The following OLFML2B variants were observed in gnomAD, a reference collection of about 807,000 sequenced individuals.
OLFML2B encodes olfactomedin-like protein 2B.
Under a neutral mutation model 74.9 loss-of-function variants are expected in OLFML2B, and 57 were observed. The ratio of observed to expected loss-of-function variants is 0.76; its 90% confidence interval spans 0.61 to 0.95. OLFML2B has a LOEUF of 0.95. Ranked by LOEUF, OLFML2B falls within the 40% of genes least tolerant of loss-of-function variation. The probability of loss-of-function intolerance (pLI) is 0.00; values close to 1 mark genes in which losing one functional copy is unlikely to be tolerated. For missense variants in OLFML2B, 986 were observed against 970.6 expected (o/e 1.02, Z -0.21); for synonymous variants, 388 against 405.8 (o/e 0.96, Z 0.53).
At position 161,986,834 on chromosome 1, in the gene OLFML2B, C is replaced by T. The variant is rs78078224; in HGVS notation, c.1475-1854G>A. Among the ~76,000 whole-genome samples the T allele has an allele frequency of 6.4e-3, 978 of 152,360 alleles. 16 individuals carry two copies. The highest frequency in any genetic ancestry group is 0.022 in the African/African-American group (894 of 41,576). ...TCAGAAAGGGCACCAATTCCCTGTCCAGCGGCATCCCTGGCTCATGCCCTC... is the reference window on the plus strand; with the variant it reads ...TCAGAAAGGGCACCAATTCCCTGTCTAGCGGCATCCCTGGCTCATGCCCTC... On this transcript the variant is annotated intron_variant, in intron 6 of 7. Transcript: ENST00000294794.
intron 3 of OLFML2B, among the ~76,000 whole-genome samples, chr1:162,009,372 T>A (rs150088240): frequency 9.3e-4 from 141 of 152,274 alleles, no homozygotes; most frequent in African/African-American, 3.3e-3. Flanking sequence ...AGTATCCTTA[T>A]TATTTGACGG....
chr1:161,985,033 C>T, intron 6 of OLFML2B, 53 bp from the exon 7 acceptor site: 4 of 1,523,592 alleles, frequency 2.6e-6, no homozygotes, highest in South Asian at 1.2e-5. Context: ...GATGCCTCAC[C>T]CCTTAAACCT....
intron 6 of OLFML2B, among the ~76,000 whole-genome samples, chr1:161,990,460 G>T (rs1166272081): frequency 6.6e-6 from 1 of 152,124 alleles, no homozygotes; most frequent in Non-Finnish European, 1.5e-5. Context: ...GAGTATAAAA[G>T]TTATGTTTAC....
chr1:162,017,922 T>A (rs1197652592), intron 2 of OLFML2B, among the ~76,000 whole-genome samples: 1 of 152,152 alleles, frequency 6.6e-6, no homozygotes, highest in African/African-American at 2.4e-5. Flanking sequence ...GAAAATGCAG[T>A]ATGTATATAC....
chr1:162,012,891 T>C (rs912993178), intron 3 of OLFML2B, among the ~76,000 whole-genome samples: 3 of 152,226 alleles, frequency 2.0e-5, no homozygotes, highest in Admixed American at 1.3e-4. Flanking sequence ...ATTATTATAA[T>C]GATCTGTCCC....
Position 161,983,578 on chromosome 1 carries a change from T to C in OLFML2B, c.*97A>G. 1 of 1,330,678 alleles carries C rather than the reference T, an allele frequency of 7.5e-7. No individual in the cohort carries two copies. The highest frequency in any genetic ancestry group is 1.0e-6 in the Non-Finnish European group (1 of 972,572). The allele number at this position is 1,330,678 out of a possible 1,614,324, so 82.4% of individuals were successfully genotyped here. A position where few individuals can be genotyped will look rare whatever the true frequency, so the allele number is the denominator to read the frequency against. On this transcript the variant is annotated 3_prime_UTR_variant, in exon 8 of 8. Transcript: ENST00000294794. The stretch of plus-strand genomic sequence containing the variant: ...TATTATACAAAATAATATATATTTT[T>C]AAACAACACATACCCACCTACACAC...
chr1:162,005,902 CAAAAAAAAAAAA>C lies in OLFML2B; in HGVS notation c.723+383_723+394del, dbSNP rs71093139. ...CCTTGGTGGCAGAGCTGGAACCTAT[CAAAAAAAAAAAA>C]AAAAAAAAAAAAAATCATGCCAGGA... is the stretch of plus-strand genomic sequence containing the variant. On this transcript the variant is annotated intron_variant, in intron 4 of 7. Coordinates refer to ENST00000294794, the MANE Select transcript of OLFML2B (RefSeq NM_015441.3). Among the ~76,000 whole-genome samples, 18 of 77,904 alleles carry C rather than the reference CAAAAAAAAAAAA, an allele frequency of 2.3e-4. No individual in the cohort carries two copies. The East Asian group carries it at 5.2e-3, about 22-fold the overall frequency. The allele number at this position is 77,904 out of a possible 152,430, so 51.1% of individuals were successfully genotyped here. A position where few individuals can be genotyped will look rare whatever the true frequency, so the allele number is the denominator to read the frequency against.
intron 1 of OLFML2B, among the ~76,000 whole-genome samples, chr1:162,022,185 C>T (rs1047296621): frequency 6.6e-6 from 1 of 151,216 alleles, no homozygotes. Flanking sequence ...CTACCCCTTA[C>T]AGACATGAGA....
In OLFML2B at chr1:162,017,256, T is replaced by A. The variant is rs2101978541; in HGVS notation, c.546+144A>T. ...ACAATTTGGCATAATTTTGAATGAATCTTTTATGTATATTTTCCCTTTCAT... is the reference window on the plus strand; with the variant it reads ...ACAATTTGGCATAATTTTGAATGAAACTTTTATGTATATTTTCCCTTTCAT... On this transcript the variant is annotated intron_variant, in intron 3 of 7. Transcript: ENST00000294794. 3 of 602,540 alleles carry A rather than the reference T, an allele frequency of 5.0e-6. 1 individual carries two copies. The highest frequency in any genetic ancestry group is 4.3e-5 in the South Asian group (2 of 46,214). The allele number at this position is 602,540 out of a possible 1,614,324, so 37.3% of individuals were successfully genotyped here.
chr1:162,021,425 C>T (rs1167365801), intron 1 of OLFML2B, among the ~76,000 whole-genome samples: 2 of 152,230 alleles, frequency 1.3e-5, no homozygotes, highest in Non-Finnish European at 2.9e-5. Context: ...AAAGGCTCTT[C>T]TCTCCCAATC....
intron 3 of OLFML2B, among the ~76,000 whole-genome samples, chr1:162,009,610 A>G (rs1488163910): frequency 6.6e-6 from 1 of 152,184 alleles, no homozygotes; most frequent in Non-Finnish European, 1.5e-5. Context: ...GAACCCAGAG[A>G]AGCAGTACAG....
chr1:162,007,675 C>T (rs1690271217), intron 3 of OLFML2B, among the ~76,000 whole-genome samples: 1 of 151,976 alleles, frequency 6.6e-6, no homozygotes, highest in Non-Finnish European at 1.5e-5. Context: ...TGGTGGGATG[C>T]TACTAACATC....
At chr1:162,012,240 G>C (rs189365084) in intron 3 of OLFML2B, among the ~76,000 whole-genome samples, 1 of 152,272 alleles carries the variant, frequency 6.6e-6, no homozygotes, top group East Asian at 1.9e-4. Flanking sequence ...CTCGACAGGG[G>C]TGGAGGGTGG....
intron 5 of OLFML2B, among the ~76,000 whole-genome samples, chr1:161,999,237 A>T (rs1690016432): frequency 6.6e-6 from 1 of 152,224 alleles, no homozygotes; most frequent in Non-Finnish European, 1.5e-5. Flanking sequence ...GGTAAAGTAG[A>T]CTTCATGTGC....
chr1:161,983,214 TA>T lies in OLFML2B; in HGVS notation c.*460del, dbSNP rs35888206. ...GGATGATTTTAAATTTCTTCTTTAT[TA>T]AAAAAAAAAAGCGTTTTTCTGGGTT... is the stretch of plus-strand genomic sequence containing the variant. On this transcript the variant is annotated 3_prime_UTR_variant, in exon 8 of 8. Transcript: ENST00000294794. 65 of 149,792 alleles carry T rather than the reference TA, an allele frequency of 4.3e-4. No individual in the cohort carries two copies. The highest frequency in any genetic ancestry group is 9.3e-4 in the Admixed American group (14 of 15,044). The allele number at this position is 149,792 out of a possible 1,614,324, so 9.3% of individuals were successfully genotyped here.
chr1:162,003,007 C>T (rs893015192), intron 4 of OLFML2B, among the ~76,000 whole-genome samples: 7 of 152,220 alleles, frequency 4.6e-5, no homozygotes, highest in African/African-American at 1.7e-4. Context: ...GGCTCAGAGT[C>T]GTTCAGCAAT....
intron 6 of OLFML2B, among the ~76,000 whole-genome samples, chr1:161,990,318 G>A (rs1331149028): frequency 6.6e-6 from 1 of 152,200 alleles, no homozygotes; most frequent in Non-Finnish European, 1.5e-5. Context: ...AAGATGAATT[G>A]TATAATTCAT....
intron 6 of OLFML2B, among the ~76,000 whole-genome samples, chr1:161,990,646 G>C (rs958175762): frequency 1.3e-5 from 2 of 152,194 alleles, no homozygotes; most frequent in African/African-American, 2.4e-5. Context: ...TGATTGATCA[G>C]AGGAGTGGAT....
At chr1:162,011,701 G>C (rs990473267) in intron 3 of OLFML2B, among the ~76,000 whole-genome samples, 1 of 152,242 alleles carries the variant, frequency 6.6e-6, no homozygotes, top group Non-Finnish European at 1.5e-5. Flanking sequence ...AAACAAAGAT[G>C]ACTTGACCCA....
Sources: allele counts gnomAD v4.1 joint callset (sites outside exome capture counted in the v4.1 genomes callset), GRCh38; gene constraint gnomAD v4.1.1; transcripts MANE v1.5; gene names NCBI Gene and HGNC (gene_info 2026-07-23, HGNC 2026-07-21).